Variants in ARMC12 observed in about 807,000 individuals in gnomAD.
ARMC12 encodes armadillo repeat-containing protein 12.
In ARMC12, 25 loss-of-function variants were observed where a neutral mutation model predicts 37.4. That is an observed-to-expected ratio of 0.67 (90% CI 0.49 to 0.93). ARMC12 has a LOEUF of 0.93. Ranked by LOEUF, ARMC12 falls within the 40% of genes least tolerant of loss-of-function variation. ARMC12 has a pLI of 0.00. For missense variants in ARMC12, 384 were observed against 426.6 expected, an observed-to-expected ratio of 0.90 and a Z score of 0.88; for synonymous variants, 167 against 176.1, an observed-to-expected ratio of 0.95 and a Z score of 0.41.
chr6:35,746,402 T>C (rs1767338786), intron 3 of ARMC12, among the ~76,000 whole-genome samples: 9 of 152,044 alleles, frequency 5.9e-5, no homozygotes, highest in Admixed American at 5.9e-4. Flanking sequence ...GTCCAAGACA[T>C]AATAGGGAGA....
At chr6:35,740,721 G>A (rs1767137332) in intron 3 of ARMC12, among the ~76,000 whole-genome samples, 2 of 152,044 alleles carry the variant, frequency 1.3e-5, no homozygotes, top group Admixed American at 6.6e-5. Context: ...TACCATATAT[G>A]TATGTATCCT....
intron 2 of ARMC12, 93 bp from the exon 3 acceptor site, chr6:35,738,291 G>T (rs112743027): frequency 9.8e-6 from 14 of 1,435,746 alleles, no homozygotes; most frequent in South Asian, 8.9e-5. Context: ...AGCGGTGGGG[G>T]GGGGGTGTGC....
At chr6:35,739,390 C>A (rs1334685688) in intron 3 of ARMC12, among the ~76,000 whole-genome samples, 1 of 152,146 alleles carries the variant, frequency 6.6e-6, no homozygotes, top group Non-Finnish European at 1.5e-5. Context: ...AGGTCTGAGT[C>A]CTGAAGACCT....
Position 35,738,534 on chromosome 6 carries a change from C to T in ARMC12, c.444+16C>T, listed in dbSNP as rs922357401. 1.8e-5 allele frequency: 29 copies of T among 1,613,334 alleles called. No individual in the cohort carries two copies. Among genetic ancestry groups the T allele is most frequent in the South Asian group, 2.2e-5 (2 of 91,016 alleles). ...CAAAATCCAGGTGAGCCCAGGGATG[C>T]GTGGTGGGGCATGCAGGATGTCTAT... On this transcript the variant is annotated intron_variant, in intron 3 of 5. Transcript: ENST00000373866.
intron 3 of ARMC12, among the ~76,000 whole-genome samples, chr6:35,746,964 C>T (rs923505731): frequency 3.5e-5 from 5 of 144,778 alleles, no homozygotes; most frequent in African/African-American, 5.2e-5. Flanking sequence ...GCATGTGGAT[C>T]GTATTTAACA....
upstream of ARMC12, chr6:35,735,358 C>G (rs1433707678): frequency 2.0e-5 from 3 of 152,384 alleles, no homozygotes; most frequent in African/African-American, 7.2e-5. The surrounding 1 kb of genome is among the most constrained non-coding windows in gnomAD (Gnocchi z 4.0). Flanking sequence ...AGTCACCCAC[C>G]TTGGGGCTAA....
In ARMC12 at chr6:35,737,239, C is replaced by T. The variant is rs1766993430; in HGVS notation, c.131C>T (p.Pro44Leu). The part of the protein sequence containing the change: ...AIKAGIKCKP[P>L]LCSNSPICIA... ...AAGGCTGGCATAAAATGCAAACCAC[C>T]CCTCTGTAGCAACTCACCCATCTGC... The change falls in exon 1 of 6, where the codon CCC becomes CTC. Residue 44 changes from proline to leucine, a missense_variant. Coordinates refer to ENST00000373866, the MANE Select transcript of ARMC12 (RefSeq NM_001286574.2). The T allele has an allele frequency of 1.9e-6, 3 of 1,614,128 alleles. No individual in the cohort carries two copies. The highest frequency in any genetic ancestry group is 2.2e-5 in the South Asian group (2 of 91,088).
Position 35,747,293 on chromosome 6 carries a change from C to T in ARMC12, c.477C>T (p.Ser159=), listed in dbSNP as rs770568323. The T allele has an allele frequency of 2.5e-6, 4 of 1,613,054 alleles. No individual in the cohort carries two copies. The highest frequency in any genetic ancestry group is 4.5e-5 in the East Asian group (2 of 44,876). Reference sequence around the variant, plus strand: ...CCATCAAAGTACTCGAACTGATCTCCACCATCTGGGACACGGAACTGCACA... The same window carrying T: ...CCATCAAAGTACTCGAACTGATCTCTACCATCTGGGACACGGAACTGCACA... ...EHSIKVLELI[S]TIWDTELHIA... The change falls in exon 4 of 6, where the codon TCC becomes TCT. Residue 159 remains serine (S), a synonymous_variant. Coordinates refer to ENST00000373866, the MANE Select transcript of ARMC12 (RefSeq NM_001286574.2).
Position 35,747,565 on chromosome 6 carries a change from CCTTTA to C in ARMC12, c.619-10_619-6del, listed in dbSNP as rs1561925535. The C allele has an allele frequency of 6.2e-7, 1 of 1,614,122 alleles. No homozygotes were observed. The highest frequency in any genetic ancestry group is 1.7e-5 in the Admixed American group (1 of 60,024). ...CCTGCCTTCTCATGCTTTACTCTTT[CCTTTA>C]TTCAGGTGCAAGCCGTACGACTGCT... On this transcript the variant is annotated splice_region_variant and splice_polypyrimidine_tract_variant and intron_variant, in intron 4 of 5. Transcript: ENST00000373866.
chr6:35,736,869 C>G, upstream of ARMC12: 1 of 578,008 alleles, frequency 1.7e-6, no homozygotes, highest in Non-Finnish European at 3.0e-6. Context: ...CTTGGCCTCC[C>G]AAAGTGCTGG....
chr6:35,740,139 T>C (rs1767122279), intron 3 of ARMC12, among the ~76,000 whole-genome samples: 1 of 152,164 alleles, frequency 6.6e-6, no homozygotes, highest in East Asian at 1.9e-4. Flanking sequence ...TTATACTCTA[T>C]CCCCTGGGCC....
upstream of ARMC12, among the ~76,000 whole-genome samples, chr6:35,732,799 T>A (rs2151030021): frequency 6.6e-6 from 1 of 152,300 alleles, no homozygotes; most frequent in Admixed American, 6.5e-5. Context: ...CATTTAGGTA[T>A]TTGTGGGGGC....
At chr6:35,737,566 G>A (rs1767008052) in intron 1 of ARMC12, among the ~76,000 whole-genome samples, 1 of 152,158 alleles carries the variant, frequency 6.6e-6, no homozygotes, top group African/African-American at 2.4e-5. Context: ...GGTGTCGGCA[G>A]CTCCCCCCAT....
chr6:35,737,089 C>G lies in ARMC12; in HGVS notation c.-20C>G. The G allele has an allele frequency of 6.2e-7, 1 of 1,613,386 alleles. No homozygotes were observed. The highest frequency in any genetic ancestry group is 8.5e-7 in the Non-Finnish European group (1 of 1,179,638). On this transcript the variant is annotated 5_prime_UTR_variant, in exon 1 of 6. Coordinates refer to ENST00000373866, the MANE Select transcript of ARMC12 (RefSeq NM_001286574.2). ...GCCTTGGGCCTAGCTCTCACCTGGG[C>G]CCAGGGCAACACTGAAGACATGGGC...
In ARMC12 at chr6:35,738,512, A is replaced by G; in HGVS notation, c.438A>G (p.Lys146=). 1 of 1,613,930 alleles carries G rather than the reference A, an allele frequency of 6.2e-7. No homozygotes were observed. The highest frequency in any genetic ancestry group is 8.5e-7 in the Non-Finnish European group (1 of 1,179,954). ...CTGGCATCAGAAAATTCAGGCTCAA[A>G]ATCCAGGTGAGCCCAGGGATGCGTG... is the stretch of plus-strand genomic sequence containing the variant. ...AFSGIRKFRL[K]IQEHSIKVLE... Residue 146 remains lysine (K), a synonymous_variant, in exon 3 of 6, where the codon AAA becomes AAG. Coordinates refer to ENST00000373866, the MANE Select transcript of ARMC12 (RefSeq NM_001286574.2).
Position 35,738,283 on chromosome 6 carries a change from C to CCTT in ARMC12, c.310-101_310-100insCTT. On this transcript the variant is annotated intron_variant, in intron 2 of 5. Transcript: ENST00000373866. ...CCTGGGACCTCTCTCTGGCTGATAG[C>CCTT]GGTGGGGGGGGGGTGTGCGGAGGGA... is the stretch of plus-strand genomic sequence containing the variant. 5.2e-6 allele frequency: 3 copies of CCTT among 572,478 alleles called. 1 individual carries two copies. Among genetic ancestry groups the CCTT allele is most frequent in the Non-Finnish European group, 4.7e-6 (2 of 424,414 alleles). The allele number at this position is 572,478 out of a possible 1,614,324, so 35.5% of individuals were successfully genotyped here.
At chr6:35,744,526 C>T (rs994321747) in intron 3 of ARMC12, among the ~76,000 whole-genome samples, 1 of 152,008 alleles carries the variant, frequency 6.6e-6, no homozygotes, top group Non-Finnish European at 1.5e-5. Flanking sequence ...TTAGGCCAGG[C>T]ATGGGGGATC....
chr6:35,736,922 G>A (rs1470068797), upstream of ARMC12: 4 of 850,016 alleles, frequency 4.7e-6, no homozygotes, highest in South Asian at 1.7e-5. Context: ...ATCTGTTCTC[G>A]AGCACTCCTG....
intron 3 of ARMC12, among the ~76,000 whole-genome samples, chr6:35,739,244 G>A (rs1767093628): frequency 6.6e-6 from 1 of 152,184 alleles, no homozygotes. Context: ...GTTACAGGGA[G>A]AAGGCCAGGA....
Sources: allele counts gnomAD v4.1 joint callset (sites outside exome capture counted in the v4.1 genomes callset), GRCh38; gene constraint gnomAD v4.1.1; non-coding constraint Gnocchi (gnomAD v3.1); transcripts MANE v1.5; gene names NCBI Gene and HGNC (gene_info 2026-07-23, HGNC 2026-07-21).